MTR: variants seen among roughly 807,000 people sequenced by gnomAD.
MTR encodes the protein 5-methyltetrahydrofolate-homocysteine methyltransferase.
A neutral mutation model predicts 154.8 loss-of-function variants in MTR; 84 were observed. That is an observed-to-expected ratio of 0.54 (90% CI 0.45 to 0.65). MTR has a LOEUF of 0.65. Among genes scored for constraint, MTR ranks in the 30% least tolerant of loss-of-function variants. The pLI, the probability that MTR is intolerant of heterozygous loss-of-function variation, is 0.00. For missense variants in MTR, 1,275 were observed against 1,570.2 expected, an observed-to-expected ratio of 0.81 and a Z score of 3.18; for synonymous variants, 554 against 553.9, an observed-to-expected ratio of 1.00 and a Z score of 0.00.
chr1:236,856,778 A>G lies in MTR; in HGVS notation c.1954-3055A>G, dbSNP rs541596991. The stretch of plus-strand genomic sequence containing the variant: ...CTCCCACTTATGAGTGAGAACATGC[A>G]GTGTTTCGTTTTCTGTTCCTGTGTT... On this transcript the variant is annotated intron_variant, in intron 18 of 32. Transcript: ENST00000366577. Among the ~76,000 whole-genome samples, 182 of 152,050 alleles carry G rather than the reference A, an allele frequency of 1.2e-3. 2 individuals are homozygous for G. Among genetic ancestry groups the G allele is most frequent in the Non-Finnish European group, 6.2e-4 (42 of 67,974 alleles).
chr1:236,862,222 GC>G lies in MTR; in HGVS notation c.2197-13del. 6.2e-7 allele frequency: 1 copy of G among 1,601,576 alleles called. No individual in the cohort carries two copies. Among genetic ancestry groups the G allele is most frequent in the South Asian group, 1.1e-5 (1 of 90,818 alleles). On this transcript the variant is annotated splice_polypyrimidine_tract_variant and intron_variant, in intron 20 of 32. Transcript: ENST00000366577. ...GGTTTGGGAAAGATACCTGATCTAT[GC>G]TTTTTTTCTCAGGTTATAAAGTCAG...
At chr1:236,881,019 G>A (rs1358673357) in intron 25 of MTR, among the ~76,000 whole-genome samples, 183 bp downstream of exon 25, 2 of 152,186 alleles carry the variant, frequency 1.3e-5, no homozygotes, top group African/African-American at 2.4e-5. Context: ...AGGTGACCAT[G>A]TCCTATACTT....
intron 27 of MTR, 112 bp downstream of exon 27, chr1:236,886,479 AC>A: frequency 1.1e-6 from 1 of 923,874 alleles, no homozygotes; most frequent in Non-Finnish European, 1.7e-6. Flanking sequence ...ACGACTCTCA[AC>A]TGTGTCTAAT....
At chr1:236,859,994 G>A in intron 19 of MTR, 72 bp downstream of exon 19, 3 of 1,354,644 alleles carry the variant, frequency 2.2e-6, no homozygotes, top group South Asian at 2.3e-5. Flanking sequence ...TGGGCGGTGT[G>A]ACAGTAGCTG....
chr1:236,795,804 C>A, intron 1 of MTR, 67 bp downstream of exon 1: 1 of 1,610,662 alleles, frequency 6.2e-7, no homozygotes, highest in South Asian at 1.1e-5. Context: ...CCTCCTAATC[C>A]CTGGGGCGAT....
chr1:236,873,460 A>G (rs1665252856), intron 22 of MTR, among the ~76,000 whole-genome samples: 1 of 152,196 alleles, frequency 6.6e-6, no homozygotes, highest in Non-Finnish European at 1.5e-5. Flanking sequence ...TATTATGTAT[A>G]TTTCACCACA....
At chr1:236,869,860 C>G (rs1665028935) in intron 22 of MTR, among the ~76,000 whole-genome samples, 1 of 152,210 alleles carries the variant, frequency 6.6e-6, no homozygotes, top group South Asian at 2.1e-4. Context: ...GCCTAGACTT[C>G]CCTGTTTCCT....
At chr1:236,839,370 GA>G (rs1159472086) in intron 15 of MTR, among the ~76,000 whole-genome samples, 1 of 129,434 alleles carries the variant, frequency 7.7e-6, no homozygotes, top group Non-Finnish European at 1.6e-5. Flanking sequence ...ATGGACAAAG[GA>G]AATAACAATT....
intron 18 of MTR, among the ~76,000 whole-genome samples, chr1:236,854,691 G>A (rs979067444): frequency 2.0e-5 from 3 of 152,194 alleles, no homozygotes; most frequent in Admixed American, 2.0e-4. Context: ...TCCAGAGGAG[G>A]CAGCCCTCTC....
At chr1:236,897,310 G>GCGCGCGCGCGCGCACA in intron 32 of MTR, among the ~76,000 whole-genome samples, 192 bp downstream of exon 32, 5 of 128,680 alleles carry the variant, frequency 3.9e-5, no homozygotes, top group South Asian at 5.5e-4. Flanking sequence ...CCACACACAC[G>GCGCGCGCGCGCGCACA]CACACACACA....
In MTR at chr1:236,897,577, G is replaced by C; in HGVS notation, c.3731G>C (p.Arg1244Thr). Residue 1244 changes from arginine (R) to threonine (T), a missense_variant, in exon 33 of 33, where the codon AGG (arginine) becomes ACG (threonine). Physicochemically the swap from Arg to Thr is moderately conservative, Grantham distance 71 (BLOSUM62 -1). Coordinates refer to ENST00000366577, the MANE Select transcript of MTR (RefSeq NM_000254.3). ...TTGCAGGTTGAGGATTATGCATTGA[G>C]GAAGAACATATCTGTGGCTGAGGTT... ...SKDQVEDYAL[R>T]KNISVAEVEK... The C allele has an allele frequency of 6.2e-7, 1 of 1,613,838 alleles. No homozygotes were observed. The highest frequency in any genetic ancestry group is 8.5e-7 in the Non-Finnish European group (1 of 1,179,946).
At chr1:236,810,197 C>T (rs1401988636) in intron 4 of MTR, among the ~76,000 whole-genome samples, 1 of 152,168 alleles carries the variant, frequency 6.6e-6, no homozygotes, top group Non-Finnish European at 1.5e-5. Context: ...ATGTGTATAT[C>T]TCCTATATGG....
At chr1:236,829,552 T>C (rs1047201327) in intron 12 of MTR, among the ~76,000 whole-genome samples, 1 of 152,198 alleles carries the variant, frequency 6.6e-6, no homozygotes. Context: ...GTCCACTGTT[T>C]TGAAAACATA....
intron 22 of MTR, among the ~76,000 whole-genome samples, chr1:236,867,728 C>T (rs1051404834): frequency 1.3e-5 from 2 of 152,300 alleles, no homozygotes; most frequent in African/African-American, 4.8e-5. Flanking sequence ...TTCCAACTCT[C>T]ATAGATGACT....
chr1:236,803,050 G>T (rs1660780836), intron 1 of MTR, among the ~76,000 whole-genome samples: 1 of 152,140 alleles, frequency 6.6e-6, no homozygotes, highest in Non-Finnish European at 1.5e-5. Flanking sequence ...AATTATTGAT[G>T]GTTTTCAATT....
intron 32 of MTR, among the ~76,000 whole-genome samples, 197 bp downstream of exon 32, chr1:236,897,315 C>CACACACACACAT (rs1666712381): frequency 6.9e-6 from 1 of 144,174 alleles, no homozygotes; most frequent in Non-Finnish European, 1.5e-5. Context: ...CACACGCACA[C>CACACACACACAT]ACACACACAC....
At chr1:236,867,454 A>G (rs1241547904) in intron 22 of MTR, among the ~76,000 whole-genome samples, 1 of 152,196 alleles carries the variant, frequency 6.6e-6, no homozygotes, top group African/African-American at 2.4e-5. Context: ...AAGAATTCTG[A>G]TAGAGATATA....
chr1:236,862,588 C>T (rs895651680), intron 21 of MTR, among the ~76,000 whole-genome samples: 1 of 152,198 alleles, frequency 6.6e-6, no homozygotes, highest in Non-Finnish European at 1.5e-5. Flanking sequence ...GTTTTCAAGA[C>T]AAAGCCAGTT....
Position 236,902,734 on chromosome 1 carries a change from C to T in MTR, c.*5090C>T, listed in dbSNP as rs980022342. 2.0e-5 allele frequency: 3 copies of T among 152,060 alleles called. No homozygotes were observed. Among genetic ancestry groups the T allele is most frequent in the Non-Finnish European group, 4.4e-5 (3 of 68,032 alleles). 9.4% of individuals were successfully genotyped at this position (152,060 alleles called of 1,614,324 possible). On this transcript the variant is annotated 3_prime_UTR_variant, in exon 33 of 33. Coordinates refer to ENST00000366577, the MANE Select transcript of MTR (RefSeq NM_000254.3). Reference sequence around the variant, plus strand: ...TCAGAAAGAAAGCGCTGTATCAAAGCCCTAGCACCCTCTCTACACCCACCT... The same window carrying T: ...TCAGAAAGAAAGCGCTGTATCAAAGTCCTAGCACCCTCTCTACACCCACCT...
Sources: gnomAD v4.1 joint callset for allele counts (sites outside exome capture counted in the v4.1 genomes callset) on GRCh38, gnomAD v4.1.1 for gene constraint, MANE v1.5 for transcripts, NCBI Gene and HGNC (gene_info 2026-07-23, HGNC 2026-07-21) for gene names.